The following FLAD1 variants were observed in gnomAD, a reference collection of about 807,000 sequenced individuals.
FLAD1 encodes the protein bifunctional FAD diphosphatase/FAD synthase.
Under a neutral mutation model 55.0 loss-of-function variants are expected in FLAD1, and 35 were observed. The observed-to-expected ratio is 0.64, with a 90% CI of 0.49 to 0.84. The LOEUF is 0.84. Ranked by LOEUF, FLAD1 falls within the 40% of genes least tolerant of loss-of-function variation. The pLI, the probability that FLAD1 is intolerant of heterozygous loss-of-function variation, is 0.00. For synonymous variants in FLAD1, 267 were observed against 303.0 expected, an observed-to-expected ratio of 0.88 and a Z score of 1.23; for missense variants, 665 against 742.6, an observed-to-expected ratio of 0.90 and a Z score of 1.21.
At chr1:154,985,072 G>A (rs1657514115) in intron 1 of FLAD1, among the ~76,000 whole-genome samples, 1 of 112,406 alleles carries the variant, frequency 8.9e-6, no homozygotes, top group South Asian at 2.8e-4. Flanking sequence ...TTTCAGAAAC[G>A]GTCTCACTAT....
chr1:154,983,882 C>T lies in FLAD1; in HGVS notation c.188C>T (p.Pro63Leu). 6.2e-7 allele frequency: 1 copy of T among 1,614,006 alleles called. No individual in the cohort carries two copies. The highest frequency in any genetic ancestry group is 8.5e-7 in the Non-Finnish European group (1 of 1,179,920). ...TQDPLFPGYG[P>L]QCPVDLAGPP... ...GACCCCCTGTTCCCAGGCTATGGCC[C>T]CCAGTGCCCTGTAGACCTGGCAGGC... The change falls in exon 1 of 7, where the codon CCC (proline) becomes CTC (leucine). Residue 63 changes from proline to leucine, a missense_variant. Coordinates refer to ENST00000292180, the MANE Select transcript of FLAD1 (RefSeq NM_025207.5).
At chr1:154,987,013 T>G (rs1657643806) in intron 1 of FLAD1, among the ~76,000 whole-genome samples, 1 of 150,696 alleles carries the variant, frequency 6.6e-6, no homozygotes, top group African/African-American at 2.5e-5. Context: ...GATGCTCCCT[T>G]ACTCCAAAAC....
chr1:154,987,838 TG>T, intron 1 of FLAD1: 1 of 918,340 alleles, frequency 1.1e-6, no homozygotes. Flanking sequence ...CTCGGAAGGC[TG>T]GGGTGGCCCT....
intron 2 of FLAD1, chr1:154,989,161 A>C: frequency 1.6e-6 from 1 of 621,436 alleles, no homozygotes. Context: ...CTCCCACAGC[A>C]GGGAGATCAG....
chr1:154,990,497 G>A lies in FLAD1; in HGVS notation c.1523G>A (p.Trp508Ter). Residue 508 changes from tryptophan (W) to a stop codon, truncating the protein, a stop_gained, in exon 5 of 7, where the codon TGG becomes TAG. Coordinates refer to ENST00000292180, the MANE Select transcript of FLAD1 (RefSeq NM_025207.5). LOFTEE classifies it high-confidence loss of function. ...LCPFSPTDPG[W>*]PAFMRINPLL... Reference sequence around the variant, plus strand: ...CCTTTCAGCCCCACTGACCCAGGCTGGCCCGCATTCATGCGCATCAACCCA... The same window carrying A: ...CCTTTCAGCCCCACTGACCCAGGCTAGCCCGCATTCATGCGCATCAACCCA... 6.2e-7 allele frequency: 1 copy of A among 1,610,962 alleles called. No individual in the cohort carries two copies. Among genetic ancestry groups the A allele is most frequent in the Non-Finnish European group, 8.5e-7 (1 of 1,178,426 alleles).
intron 5 of FLAD1, among the ~76,000 whole-genome samples, chr1:154,991,880 C>T (rs1323432186): frequency 2.0e-5 from 3 of 152,000 alleles, no homozygotes; most frequent in East Asian, 3.9e-4. Context: ...CGGTGGCACA[C>T]GCCTGTAATC....
intron 5 of FLAD1, chr1:154,991,302 C>G (rs537745680): frequency 1.3e-5 from 2 of 150,422 alleles, no homozygotes; most frequent in South Asian, 2.1e-4. Context: ...CACCTGTAAT[C>G]CCTGCACTTT....
At chr1:154,992,589 T>A in intron 5 of FLAD1, 124 bp from the exon 6 acceptor site, 2 of 1,613,850 alleles carry the variant, frequency 1.2e-6, no homozygotes, top group Non-Finnish European at 1.7e-6. Context: ...GAGAATCAGA[T>A]AGCAAGCCCT....
At chr1:154,989,030 C>T in intron 2 of FLAD1, 181 bp downstream of exon 2, 1 of 1,418,442 alleles carries the variant, frequency 7.0e-7, no homozygotes, top group Non-Finnish European at 9.3e-7. Context: ...CAGCACTGTG[C>T]TAGGTGTTGG....
At position 154,990,244 on chromosome 1, in the gene FLAD1, G is replaced by A. The variant is rs1553254535; in HGVS notation, c.1351G>A (p.Asp451Asn). ...PFPELEQFLQDTIKRYNLQML... is the reference protein window; with the variant it reads ...PFPELEQFLQNTIKRYNLQML... ...CCCTGAGCTGGAACAGTTTCTACAG[G>A]ACACTATCAAGAGGTACTAGGGGCC... The change falls in exon 4 of 7, where the codon GAC becomes AAC. Residue 451 changes from aspartate to asparagine, a missense_variant. Coordinates refer to ENST00000292180, the MANE Select transcript of FLAD1 (RefSeq NM_025207.5). 1 of 1,614,108 alleles carries A rather than the reference G, an allele frequency of 6.2e-7. No homozygotes were observed. The highest frequency in any genetic ancestry group is 2.2e-5 in the East Asian group (1 of 44,890).
chr1:154,988,987 TC>T (rs1184541335), intron 2 of FLAD1, 138 bp downstream of exon 2: 1 of 1,489,798 alleles, frequency 6.7e-7, no homozygotes, highest in African/African-American at 1.4e-5. Context: ...TCATTATTCT[TC>T]CAATAAATGT....
chr1:154,989,129 A>C (rs1209701232), intron 2 of FLAD1: 3 of 710,690 alleles, frequency 4.2e-6, no homozygotes, highest in Non-Finnish European at 6.7e-6. Flanking sequence ...GTGATCCTGC[A>C]TGGGGTGATG....
In FLAD1 at chr1:154,990,427, C is replaced by G; in HGVS notation, c.1453C>G (p.Leu485Val). The G allele has an allele frequency of 6.2e-7, 1 of 1,614,176 alleles. No individual in the cohort carries two copies. Among genetic ancestry groups the G allele is most frequent in the Non-Finnish European group, 8.5e-7 (1 of 1,180,020 alleles). ...ACGGCACCCCCAGCTGGAGGCTGTCCTTATGGGCACCCGCCGGACTGACCC... is the reference window on the plus strand; with the variant it reads ...ACGGCACCCCCAGCTGGAGGCTGTCGTTATGGGCACCCGCCGGACTGACCC... ...QARHPQLEAV[L>V]MGTRRTDPYS... The change falls in exon 5 of 7, where the codon CTT becomes GTT. Residue 485 changes from leucine to valine, a missense_variant. By Grantham distance (32) the Leu-to-Val change is conservative. Transcript: ENST00000292180.
chr1:154,983,675 A>G lies in FLAD1; in HGVS notation c.-20A>G. ...GAAGAAGTTTTTAAGACTAGAGCTA[A>G]GCAAGACATTTAAAAGGACATGGGT... On this transcript the variant is annotated 5_prime_UTR_variant, in exon 1 of 7. Transcript: ENST00000292180. 6.3e-7 allele frequency: 1 copy of G among 1,595,586 alleles called. No individual in the cohort carries two copies. The highest frequency in any genetic ancestry group is 8.6e-7 in the Non-Finnish European group (1 of 1,168,950).
intron 3 of FLAD1, 100 bp downstream of exon 3, chr1:154,989,807 G>A: frequency 7.6e-7 from 1 of 1,311,330 alleles, no homozygotes; most frequent in Non-Finnish European, 1.0e-6. Flanking sequence ...GTTCAAGAGG[G>A]AGATAGTCAT....
intron 1 of FLAD1, among the ~76,000 whole-genome samples, chr1:154,986,037 G>C (rs144926241): frequency 0.031 from 4,769 of 151,700 alleles, 90 homozygotes; most frequent in Middle Eastern, 0.051. Flanking sequence ...GTGTGTGTGT[G>C]TGTGTGTGTG....
chr1:154,992,612 A>G (rs1657929604), intron 5 of FLAD1, 101 bp from the exon 6 acceptor site: 3 of 1,614,076 alleles, frequency 1.9e-6, no homozygotes, highest in Non-Finnish European at 2.5e-6. Flanking sequence ...CTCAGAGGCC[A>G]AGGGAGCAGA....
intron 1 of FLAD1, chr1:154,987,753 A>G: frequency 2.4e-6 from 1 of 424,538 alleles, no homozygotes; most frequent in East Asian, 4.5e-5. Context: ...CCTGGGCAAC[A>G]TGGCAAGACC....
At chr1:154,992,550 T>A (rs1388831992) in intron 5 of FLAD1, 163 bp from the exon 6 acceptor site, 1 of 1,611,270 alleles carries the variant, frequency 6.2e-7, no homozygotes, top group South Asian at 1.1e-5. Flanking sequence ...CTTCTCTTTC[T>A]CTTTGCATAC....
Sources: gnomAD v4.1 joint callset for allele counts (sites outside exome capture counted in the v4.1 genomes callset) on GRCh38, gnomAD v4.1.1 for gene constraint, MANE v1.5 for transcripts, NCBI Gene and HGNC (gene_info 2026-07-23, HGNC 2026-07-21) for gene names.